Variants in TLL2 observed in about 807,000 individuals in gnomAD.
TLL2 encodes the protein tolloid like 2.
A neutral mutation model predicts 123.0 loss-of-function variants in TLL2; 106 were observed. That is an observed-to-expected ratio of 0.86 (90% CI 0.74 to 1.01). The LOEUF (loss-of-function observed/expected upper bound fraction) is 1.01. TLL2 is among the 50% of genes least tolerant of loss of function. TLL2 has a pLI of 0.00. For synonymous variants in TLL2, 494 were observed against 516.8 expected (o/e 0.96, Z 0.60); for missense variants, 1,332 against 1,336.7 (o/e 1.00, Z 0.06).
intron 1 of TLL2, among the ~76,000 whole-genome samples, chr10:96,507,694 G>A (rs1347839462): frequency 6.6e-6 from 1 of 152,154 alleles, no homozygotes; most frequent in Non-Finnish European, 1.5e-5. Context: ...CTGAGGCTCA[G>A]GGAAGTTGAG....
chr10:96,482,217 C>T (rs1169177879), intron 1 of TLL2, among the ~76,000 whole-genome samples: 1 of 150,332 alleles, frequency 6.7e-6, no homozygotes, highest in African/African-American at 2.5e-5. Context: ...GAGATCGCGC[C>T]ACTGCACTCC....
chr10:96,409,218 AC>A (rs1846478487), intron 9 of TLL2, among the ~76,000 whole-genome samples: 2 of 152,228 alleles, frequency 1.3e-5, no homozygotes, highest in South Asian at 4.1e-4. Flanking sequence ...TTGTCAGGTG[AC>A]CATTCTGTGC....
At chr10:96,451,994 T>C (rs555887263) in intron 2 of TLL2, among the ~76,000 whole-genome samples, 1 of 152,354 alleles carries the variant, frequency 6.6e-6, no homozygotes, top group Middle Eastern at 3.4e-3. Context: ...GAAAAAAATA[T>C]ATATCCAGCA....
intron 16 of TLL2, among the ~76,000 whole-genome samples, chr10:96,383,241 G>C (rs150567986): frequency 6.6e-6 from 1 of 152,354 alleles, no homozygotes; most frequent in East Asian, 1.9e-4. Flanking sequence ...CCTTCAGTTT[G>C]AGAAGTAGGG....
At chr10:96,403,942 C>T (rs372588219) in intron 10 of TLL2, among the ~76,000 whole-genome samples, 6,189 of 150,700 alleles carry the variant, frequency 0.041, 176 homozygotes, top group East Asian at 0.11. Flanking sequence ...ATCTGGCCTA[C>T]GTGCACATCC....
chr10:96,472,848 C>T (rs1416533161), intron 2 of TLL2, among the ~76,000 whole-genome samples: 1 of 152,150 alleles, frequency 6.6e-6, no homozygotes, highest in Non-Finnish European at 1.5e-5. Context: ...CCTTGGAAAG[C>T]AGAGCCCAGA....
intron 3 of TLL2, among the ~76,000 whole-genome samples, chr10:96,438,592 C>A (rs1460240262): frequency 1.3e-5 from 2 of 152,170 alleles, no homozygotes; most frequent in Non-Finnish European, 2.9e-5. Context: ...ACAAACATGT[C>A]ATTTACAAAC....
chr10:96,491,537 T>C (rs1847413541), intron 1 of TLL2, among the ~76,000 whole-genome samples: 1 of 152,212 alleles, frequency 6.6e-6, no homozygotes, highest in Admixed American at 6.5e-5. Flanking sequence ...CTCTGGCTAG[T>C]AAATGTTTCA....
intron 14 of TLL2, 78 bp from the exon 15 acceptor site, chr10:96,386,293 G>A (rs1846234706): frequency 7.3e-7 from 1 of 1,375,416 alleles, no homozygotes; most frequent in Non-Finnish European, 9.8e-7. Flanking sequence ...GAGCAATAGA[G>A]CCTTGCTGTT....
intron 13 of TLL2, among the ~76,000 whole-genome samples, chr10:96,389,685 G>A (rs553673919): frequency 6.6e-6 from 1 of 152,330 alleles, no homozygotes; most frequent in East Asian, 1.9e-4. Context: ...ACCAGAAGAT[G>A]CTGTGGCTGT....
chr10:96,367,997 G>T lies in TLL2; in HGVS notation c.*91C>A. 6.6e-7 allele frequency: 1 copy of T among 1,504,382 alleles called. No homozygotes were observed. 93.2% of individuals were successfully genotyped at this position (1,504,382 alleles called of 1,614,324 possible). A position where few individuals can be genotyped will look rare whatever the true frequency, so the allele number is the denominator to read the frequency against. ...TTGTTTGAGAAAAATACTGTACACTGTTTTAGGGCAGATTTTCAAGGTGCT... is the reference window on the plus strand; with the variant it reads ...TTGTTTGAGAAAAATACTGTACACTTTTTTAGGGCAGATTTTCAAGGTGCT... On this transcript the variant is annotated 3_prime_UTR_variant, in exon 21 of 21. Coordinates refer to ENST00000357947, the MANE Select transcript of TLL2 (RefSeq NM_012465.4).
chr10:96,402,887 GAC>G (rs1179564152), intron 10 of TLL2, among the ~76,000 whole-genome samples: 2 of 152,142 alleles, frequency 1.3e-5, no homozygotes, highest in Non-Finnish European at 2.9e-5. Flanking sequence ...GTCTAGCAGT[GAC>G]ACCCCACAGT....
chr10:96,487,848 A>ATT (rs1847372750), intron 1 of TLL2, among the ~76,000 whole-genome samples: 1 of 152,088 alleles, frequency 6.6e-6, no homozygotes, highest in Non-Finnish European at 1.5e-5. Context: ...ATTGTGCCAG[A>ATT]GTCTAAACGC....
At chr10:96,431,356 C>T (rs774181865) in intron 4 of TLL2, among the ~76,000 whole-genome samples, 4 of 152,132 alleles carry the variant, frequency 2.6e-5, no homozygotes, top group African/African-American at 2.4e-5. Context: ...GCAGGAATTC[C>T]GCTGCCCTGC....
chr10:96,477,638 T>C (rs1458907814), intron 2 of TLL2, among the ~76,000 whole-genome samples: 1 of 152,260 alleles, frequency 6.6e-6, no homozygotes, highest in Non-Finnish European at 1.5e-5. Flanking sequence ...CTAAGCACTT[T>C]GCACATATTC....
intron 3 of TLL2, among the ~76,000 whole-genome samples, chr10:96,436,046 A>C (rs986911939): frequency 6.6e-6 from 1 of 152,226 alleles, no homozygotes; most frequent in Non-Finnish European, 1.5e-5. Flanking sequence ...ACTGTGTTCT[A>C]ATAACCTATT....
At chr10:96,507,642 A>G (rs184604568) in intron 1 of TLL2, among the ~76,000 whole-genome samples, 8 of 152,258 alleles carry the variant, frequency 5.3e-5, no homozygotes, top group Admixed American at 5.2e-4. Flanking sequence ...TTTAATCCTT[A>G]TAGCAATCCT....
intron 2 of TLL2, among the ~76,000 whole-genome samples, chr10:96,460,705 A>G (rs10748679): frequency 0.55 from 83,323 of 152,022 alleles, 23,236 homozygotes; most frequent in Middle Eastern, 0.66. Context: ...CCCCAGCCAC[A>G]CTTCCTGTAC....
At chr10:96,392,048 T>C (rs1012430232) in intron 13 of TLL2, among the ~76,000 whole-genome samples, 1 of 152,200 alleles carries the variant, frequency 6.6e-6, no homozygotes, top group Non-Finnish European at 1.5e-5. Context: ...CTAATCTCCT[T>C]CACCACCATG....
Sources: gnomAD v4.1 joint callset for allele counts (sites outside exome capture counted in the v4.1 genomes callset) on GRCh38, gnomAD v4.1.1 for gene constraint, MANE v1.5 for transcripts, NCBI Gene and HGNC (gene_info 2026-07-23, HGNC 2026-07-21) for gene names.